OPCML: variants seen among roughly 807,000 people sequenced by gnomAD.
OPCML encodes the protein opioid-binding protein/cell adhesion molecule.
OPCML carries 13 observed loss-of-function variants against 37.8 expected under a neutral mutation model. The observed-to-expected ratio is 0.34, with a 90% CI of 0.22 to 0.55. OPCML has a LOEUF of 0.55. Ranked by LOEUF, OPCML falls within the 20% of genes least tolerant of loss-of-function variation. The pLI, the probability that OPCML is intolerant of heterozygous loss-of-function variation, is 0.91. For synonymous variants in OPCML, 176 were observed against 168.8 expected, an observed-to-expected ratio of 1.04 and a Z score of -0.33; for missense variants, 341 against 435.6, an observed-to-expected ratio of 0.78 and a Z score of 1.93.
chr11:132,825,544 A>G (rs1489915080), intron 2 of OPCML, among the ~76,000 whole-genome samples: 1 of 152,224 alleles, frequency 6.6e-6, no homozygotes, highest in African/African-American at 2.4e-5. Context: ...GGTTAATGAG[A>G]TAAAGTTTGT....
At chr11:133,474,786 C>T (rs936602939) in intron 1 of OPCML, among the ~76,000 whole-genome samples, 3 of 152,088 alleles carry the variant, frequency 2.0e-5, no homozygotes, top group East Asian at 1.9e-4. Context: ...GGCAGGAAGT[C>T]GGGGTGAGAG....
intron 1 of OPCML, among the ~76,000 whole-genome samples, chr11:133,161,547 G>A (rs1456359566): frequency 6.6e-6 from 1 of 152,166 alleles, no homozygotes; most frequent in African/African-American, 2.4e-5. Flanking sequence ...GACAGCTTAG[G>A]GAACAGTTAC....
At chr11:132,935,264 T>C (rs1945333484) in intron 2 of OPCML, among the ~76,000 whole-genome samples, 1 of 152,226 alleles carries the variant, frequency 6.6e-6, no homozygotes, top group Non-Finnish European at 1.5e-5. Flanking sequence ...CATATTATCT[T>C]CTTCTAATTA....
intron 1 of OPCML, among the ~76,000 whole-genome samples, chr11:133,223,550 C>A (rs1939922602): frequency 6.6e-6 from 1 of 152,072 alleles, no homozygotes; most frequent in Admixed American, 6.5e-5. Flanking sequence ...GGGTCAGAGG[C>A]AAGAAACTGC....
At chr11:133,286,458 G>C (rs1942301978) in intron 1 of OPCML, among the ~76,000 whole-genome samples, 1 of 103,992 alleles carries the variant, frequency 9.6e-6, no homozygotes, top group African/African-American at 4.4e-5. Flanking sequence ...GACAGAGCGA[G>C]ACTGTGTCTC....
intron 1 of OPCML, chr11:133,003,840 A>C: frequency 1.0e-6 from 1 of 985,364 alleles, no homozygotes; most frequent in Non-Finnish European, 1.2e-6. Flanking sequence ...TAAATGAATA[A>C]TGCAGATCCT....
At chr11:132,583,229 T>C (rs922939883) in intron 3 of OPCML, among the ~76,000 whole-genome samples, 1 of 152,066 alleles carries the variant, frequency 6.6e-6, no homozygotes, top group East Asian at 1.9e-4. Context: ...ACCTGGCTAA[T>C]TTTTTTAAAT....
chr11:133,096,075 C>A (rs1948997542), intron 1 of OPCML, among the ~76,000 whole-genome samples: 2 of 151,608 alleles, frequency 1.3e-5, no homozygotes, highest in African/African-American at 2.4e-5. Flanking sequence ...CTTCACCGAT[C>A]TAACAGATTA....
chr11:132,437,183 G>T (rs57269946), intron 5 of OPCML, 39 bp downstream of exon 5: 1 of 1,603,644 alleles, frequency 6.2e-7, no homozygotes, highest in Admixed American at 1.7e-5. Flanking sequence ...TCCCTGTGCC[G>T]TCTTTTCCCC....
chr11:132,496,203 CCTCT>C (rs1177670314), intron 4 of OPCML, among the ~76,000 whole-genome samples: 1 of 152,132 alleles, frequency 6.6e-6, no homozygotes, highest in Non-Finnish European at 1.5e-5. Flanking sequence ...GGCTGTCCTC[CCTCT>C]CTATGTTGTG....
chr11:132,516,414 CT>C lies in OPCML; in HGVS notation c.505+12646del, dbSNP rs1008278401. On this transcript the variant is annotated intron_variant, in intron 4 of 7. Transcript: ENST00000524381. The stretch of plus-strand genomic sequence containing the variant: ...CTTTGCAAATCTCCACTGTCTTCCC[CT>C]TTTTTTTCTCTGGCACGCTACAGGA... Among the ~76,000 whole-genome samples, 3 of 152,056 alleles carry C rather than the reference CT, an allele frequency of 2.0e-5. No individual in the cohort carries two copies. The East Asian group carries it at 5.8e-4, about 29-fold the overall frequency.
At chr11:133,170,002 G>T (rs1950265868) in intron 1 of OPCML, among the ~76,000 whole-genome samples, 1 of 151,510 alleles carries the variant, frequency 6.6e-6, no homozygotes, top group East Asian at 1.9e-4. Context: ...GAAAAAAAAA[G>T]TTATAAAAGG....
intron 7 of OPCML, among the ~76,000 whole-genome samples, chr11:132,426,797 C>T (rs2095979083): frequency 6.6e-6 from 1 of 152,110 alleles, no homozygotes; most frequent in Admixed American, 6.5e-5. Flanking sequence ...CCACACCTAC[C>T]ACATAAGAAC....
At chr11:132,830,806 T>A (rs1456859429) in intron 2 of OPCML, among the ~76,000 whole-genome samples, 2 of 151,180 alleles carry the variant, frequency 1.3e-5, no homozygotes, top group South Asian at 4.1e-4. Context: ...ACGCGTGCTT[T>A]CTTCAAAGTG....
intron 1 of OPCML, among the ~76,000 whole-genome samples, chr11:133,165,259 C>A (rs1377396630): frequency 6.6e-6 from 1 of 152,116 alleles, no homozygotes; most frequent in Non-Finnish European, 1.5e-5. Context: ...TTTTCCTGTG[C>A]CAAAGCTGAG....
At chr11:132,444,100 G>GT (rs2096046102) in intron 4 of OPCML, among the ~76,000 whole-genome samples, 1 of 152,182 alleles carries the variant, frequency 6.6e-6, no homozygotes, top group Non-Finnish European at 1.5e-5. Context: ...GGGTAAGGAG[G>GT]ACGCCAGACC....
chr11:132,455,500 C>G (rs754687294), intron 4 of OPCML, among the ~76,000 whole-genome samples: 4 of 152,180 alleles, frequency 2.6e-5, no homozygotes, highest in Non-Finnish European at 4.4e-5. Context: ...AATCCGCCCT[C>G]GAGTGAGATC....
chr11:133,139,262 G>A (rs1018669769), intron 1 of OPCML, among the ~76,000 whole-genome samples: 1 of 152,112 alleles, frequency 6.6e-6, no homozygotes, highest in Non-Finnish European at 1.5e-5. Flanking sequence ...ATACCTCTTT[G>A]CACAGCAAAA....
chr11:133,047,685 C>A (rs1948045655), intron 1 of OPCML, among the ~76,000 whole-genome samples: 1 of 152,182 alleles, frequency 6.6e-6, no homozygotes, highest in South Asian at 2.1e-4. Flanking sequence ...GTCTCTCTGC[C>A]ACTTCCATCC....
Sources: allele counts gnomAD v4.1 joint callset (sites outside exome capture counted in the v4.1 genomes callset), GRCh38; gene constraint gnomAD v4.1.1; transcripts MANE v1.5; gene names NCBI Gene and HGNC (gene_info 2026-07-23, HGNC 2026-07-21).